The following FAM120B variants were observed in gnomAD, a reference collection of about 807,000 sequenced individuals.
The protein encoded by FAM120B is constitutive coactivator of peroxisome proliferator-activated receptor gamma.
In FAM120B, 83 loss-of-function variants were observed where a neutral mutation model predicts 96.3. That is an observed-to-expected ratio of 0.86 (90% CI 0.72 to 1.03). FAM120B has a LOEUF of 1.03. Among genes scored for constraint, FAM120B ranks in the 50% least tolerant of loss-of-function variants. The pLI, the probability that FAM120B is intolerant of heterozygous loss-of-function variation, is 0.00. For missense variants in FAM120B, 1,027 were observed against 1,121.2 expected (o/e 0.92, Z 1.20); for synonymous variants, 407 against 402.7 (o/e 1.01, Z -0.13).
At chr6:170,378,681 G>A (rs964503036) in intron 6 of FAM120B, among the ~76,000 whole-genome samples, 2 of 152,172 alleles carry the variant, frequency 1.3e-5, no homozygotes, top group Non-Finnish European at 2.9e-5. Context: ...ACCAGGAAGC[G>A]GTGGCGTAGA....
At position 170,323,274 on chromosome 6, in the gene FAM120B, G is replaced by A; in HGVS notation, c.1915+15G>A. ...GGACTGTCAAGGTGAGAATTGGTTG[G>A]TCCCTCTTAGTAAAGGTTCTATTTG... On this transcript the variant is annotated intron_variant, in intron 3 of 10. Transcript: ENST00000476287. 6.2e-7 allele frequency: 1 copy of A among 1,604,858 alleles called. No individual in the cohort carries two copies. The highest frequency in any genetic ancestry group is 8.5e-7 in the Non-Finnish European group (1 of 1,175,426).
intron 6 of FAM120B, among the ~76,000 whole-genome samples, chr6:170,366,069 A>C (rs928513482): frequency 2.0e-5 from 3 of 152,128 alleles, no homozygotes; most frequent in Non-Finnish European, 4.4e-5. Context: ...AAAATAGATA[A>C]ATAAGCAAAA....
At chr6:170,326,519 T>A (rs1446932136) in intron 3 of FAM120B, among the ~76,000 whole-genome samples, 1 of 152,190 alleles carries the variant, frequency 6.6e-6, no homozygotes, top group Non-Finnish European at 1.5e-5. Flanking sequence ...GTAAACCCTA[T>A]AATACATGAG....
intron 6 of FAM120B, among the ~76,000 whole-genome samples, chr6:170,377,013 C>T (rs1789571565): frequency 6.9e-6 from 1 of 145,690 alleles, no homozygotes; most frequent in South Asian, 2.3e-4. Context: ...TGGGAGAACA[C>T]AGGCTCACGC....
At chr6:170,320,428 G>A (rs1425660179) in intron 2 of FAM120B, among the ~76,000 whole-genome samples, 1 of 152,162 alleles carries the variant, frequency 6.6e-6, no homozygotes, top group Non-Finnish European at 1.5e-5. Context: ...AGTAACTCAG[G>A]TAAAATACAA....
intron 6 of FAM120B, among the ~76,000 whole-genome samples, chr6:170,376,736 G>T (rs1239022535): frequency 6.6e-6 from 1 of 152,224 alleles, no homozygotes; most frequent in Non-Finnish European, 1.5e-5. Context: ...TGAGGCGTTC[G>T]AATGTGAACC....
chr6:170,374,837 GC>G (rs1212324362), intron 6 of FAM120B, among the ~76,000 whole-genome samples: 3 of 152,206 alleles, frequency 2.0e-5, no homozygotes, highest in African/African-American at 7.2e-5. Context: ...TGTCATAGCA[GC>G]TTTACCCGTG....
rs1254524549 is a variant in FAM120B at position 170,317,697 on chromosome 6, A to T, written c.307A>T (p.Lys103Ter). Residue 103 changes from lysine to a stop codon, truncating the protein, a stop_gained, in exon 2 of 11, where the codon AAA becomes TAA. Transcript: ENST00000476287. LOFTEE classifies it high-confidence loss of function. ...GCAGGATAAGAGAGATGAATGGGTG[A>T]AACGAAGGCTCAAGAACAACAGGGA... ...VEQDKRDEWV[K>*]RRLKNNREIS... 2 of 1,614,060 alleles carry T rather than the reference A, an allele frequency of 1.2e-6. No homozygotes were observed. The highest frequency in any genetic ancestry group is 1.7e-6 in the Non-Finnish European group (2 of 1,180,018).
intron 9 of FAM120B, 120 bp downstream of exon 9, chr6:170,395,699 CAG>C: frequency 4.4e-6 from 3 of 686,092 alleles, no homozygotes; most frequent in Non-Finnish European, 7.7e-6. Context: ...AGTAAATAAA[CAG>C]ATAAATATAC....
In FAM120B at chr6:170,370,083, A is replaced by G. The variant is rs1789082472; in HGVS notation, c.2283+11765A>G. ...GCAATCTAATTTCTCTTTTAAACCC[A>G]TTCTGTGAGTCGGCAGAAATTTATC... On this transcript the variant is annotated intron_variant, in intron 6 of 10. Transcript: ENST00000476287. This position sits in a 1 kb window ranked among gnomAD's most constrained non-coding sequence, Gnocchi z 4.3. 6.6e-6 allele frequency among the ~76,000 whole-genome samples: 1 copy of G among 152,226 alleles called. No homozygotes were observed. The highest frequency in any genetic ancestry group is 6.5e-5 in the Admixed American group (1 of 15,280).
At chr6:170,291,371 G>T (rs991111960), upstream of FAM120B, among the ~76,000 whole-genome samples, 2 of 151,650 alleles carry the variant, frequency 1.3e-5, no homozygotes, top group Non-Finnish European at 2.9e-5. Context: ...GAAACTCCGG[G>T]CCGCGGCGGC....
intron 9 of FAM120B, among the ~76,000 whole-genome samples, chr6:170,398,100 G>T (rs971224122): frequency 2.0e-5 from 3 of 152,258 alleles, no homozygotes; most frequent in Non-Finnish European, 4.4e-5. Flanking sequence ...GCAGACAGGT[G>T]TGCCTGCCTG....
chr6:170,374,738 G>A (rs1419113823), intron 6 of FAM120B, among the ~76,000 whole-genome samples: 6 of 152,044 alleles, frequency 3.9e-5, no homozygotes, highest in Non-Finnish European at 5.9e-5. Flanking sequence ...ATTGTTGGTC[G>A]GGTGTCTGAC....
At chr6:170,384,595 C>G (rs1790090073) in intron 6 of FAM120B, among the ~76,000 whole-genome samples, 1 of 152,184 alleles carries the variant, frequency 6.6e-6, no homozygotes, top group African/African-American at 2.4e-5. Flanking sequence ...TTTCCGGATT[C>G]TCTAGATCTG....
intron 9 of FAM120B, among the ~76,000 whole-genome samples, chr6:170,400,539 G>T (rs1166709336): frequency 6.6e-6 from 1 of 152,120 alleles, no homozygotes; most frequent in Admixed American, 6.5e-5. Flanking sequence ...CTGCCCTTAG[G>T]GGATCCCTGG....
intron 5 of FAM120B, among the ~76,000 whole-genome samples, chr6:170,355,403 C>T (rs1787842214): frequency 6.6e-6 from 1 of 152,194 alleles, no homozygotes; most frequent in Non-Finnish European, 1.5e-5. Context: ...GGAACTACAT[C>T]ATGTCCTTTG....
At chr6:170,385,247 A>C (rs1672653236) in intron 6 of FAM120B, among the ~76,000 whole-genome samples, 1 of 152,274 alleles carries the variant, frequency 6.6e-6, no homozygotes, top group Admixed American at 6.5e-5. Flanking sequence ...AAAAAGCAGA[A>C]ACCACAGTGG....
chr6:170,405,124 T>C lies in FAM120B; in HGVS notation c.*373T>C, dbSNP rs1429920826. 2 of 156,602 alleles carry C rather than the reference T, an allele frequency of 1.3e-5. No individual in the cohort carries two copies. Among genetic ancestry groups the C allele is most frequent in the African/African-American group, 4.8e-5 (2 of 41,498 alleles). 9.7% of individuals were successfully genotyped at this position (156,602 alleles called of 1,614,324 possible). A position where few individuals can be genotyped will look rare whatever the true frequency, so the allele number is the denominator to read the frequency against. ...CACTAGATTATGAGGGGTTATCTCC[T>C]GTTATTAAAAAGTCAGAAAACACTA... On this transcript the variant is annotated 3_prime_UTR_variant, in exon 11 of 11. Coordinates refer to ENST00000476287, the MANE Select transcript of FAM120B (RefSeq NM_032448.3).
chr6:170,325,843 C>T (rs1280879675), intron 3 of FAM120B, among the ~76,000 whole-genome samples: 1 of 115,868 alleles, frequency 8.6e-6, no homozygotes, highest in Admixed American at 9.7e-5. Context: ...AAGAGCGAGA[C>T]TTCATCTCAA....
Sources: allele counts gnomAD v4.1 joint callset (sites outside exome capture counted in the v4.1 genomes callset), GRCh38; gene constraint gnomAD v4.1.1; non-coding constraint Gnocchi (gnomAD v3.1); transcripts MANE v1.5; gene names NCBI Gene and HGNC (gene_info 2026-07-23, HGNC 2026-07-21).